AKAP6: variants seen among roughly 807,000 people sequenced by gnomAD.
AKAP6 encodes the protein A-kinase anchoring protein 6.
In AKAP6, 58 loss-of-function variants were observed where a neutral mutation model predicts 188.5. That is an observed-to-expected ratio of 0.31 (90% CI 0.25 to 0.38). The LOEUF (loss-of-function observed/expected upper bound fraction) is 0.38, where lower values mean the gene tolerates loss of function less well. AKAP6 is among the 10% of genes least tolerant of loss of function. The pLI is 1.00. For missense variants in AKAP6, 2,710 were observed against 2,740.0 expected (o/e 0.99, Z 0.24); for synonymous variants, 989 against 998.6 (o/e 0.99, Z 0.18).
intron 4 of AKAP6, among the ~76,000 whole-genome samples, chr14:32,553,971 G>A (rs1883590539): frequency 1.3e-5 from 2 of 152,168 alleles, no homozygotes; most frequent in Admixed American, 1.3e-4. Flanking sequence ...CATTTGTTCC[G>A]ATACATTCAA....
chr14:32,709,164 T>G (rs1890936726), intron 9 of AKAP6, among the ~76,000 whole-genome samples: 1 of 152,068 alleles, frequency 6.6e-6, no homozygotes, highest in South Asian at 2.1e-4. Context: ...ATGGAAACAC[T>G]GTCAGAAGCC....
chr14:32,591,667 A>G lies in AKAP6; in HGVS notation c.2470-7743A>G, dbSNP rs568217410. On this transcript the variant is annotated intron_variant, in intron 5 of 13. Transcript: ENST00000280979. The stretch of plus-strand genomic sequence containing the variant: ...TCTTCTCTTTTTTTTTTTTTTTTCA[A>G]AAGGAAAACAAAGGTTTTATAATGC... Among the ~76,000 whole-genome samples, 5 of 150,264 alleles carry G rather than the reference A, an allele frequency of 3.3e-5. No homozygotes were observed. In the East Asian group the frequency reaches 7.8e-4, roughly 23 times the overall value.
chr14:32,577,089 CT>C (rs552225725), intron 4 of AKAP6, 30 bp from the exon 5 acceptor site: 60 of 1,587,852 alleles, frequency 3.8e-5, no homozygotes, highest in East Asian at 1.4e-4. Context: ...TTTCTTGCCC[CT>C]TTTTTTCCCC....
chr14:32,620,897 T>C (rs1206156149), intron 7 of AKAP6, among the ~76,000 whole-genome samples: 1 of 151,910 alleles, frequency 6.6e-6, no homozygotes, highest in Non-Finnish European at 1.5e-5. Flanking sequence ...GCTAGGAGGG[T>C]CATAAGTTCC....
intron 7 of AKAP6, among the ~76,000 whole-genome samples, chr14:32,610,229 C>A (rs979026261): frequency 2.0e-5 from 3 of 152,118 alleles, no homozygotes; most frequent in African/African-American, 7.2e-5. Context: ...TTCTTAGACA[C>A]CCTCCATAAC....
chr14:32,474,745 T>C (rs1878968163), intron 2 of AKAP6, among the ~76,000 whole-genome samples: 1 of 152,270 alleles, frequency 6.6e-6, no homozygotes, highest in Admixed American at 6.5e-5. Context: ...GCATTTATTT[T>C]AGAAATTGTT....
intron 2 of AKAP6, among the ~76,000 whole-genome samples, chr14:32,521,940 A>T (rs948813634): frequency 6.6e-6 from 1 of 152,206 alleles, no homozygotes; most frequent in African/African-American, 2.4e-5. Context: ...TTCAAACTAT[A>T]CTACAAGGCT....
rs143615571 is a variant in AKAP6, at chr14:32,728,348, TTCTATCTATCTATCTA to T, written c.3001-4075_3001-4060del. On this transcript the variant is annotated intron_variant, in intron 9 of 13. Transcript: ENST00000280979. ...AGATATATTTTATTTTCTCAGTGTA[TTCTATCTATCTATCTA>T]TCTATCTATCTATCTATCTATCTAT... Among the ~76,000 whole-genome samples, 464 of 141,078 alleles carry T rather than the reference TTCTATCTATCTATCTA, an allele frequency of 3.3e-3. 1 individual carries two copies. Among genetic ancestry groups the T allele is most frequent in the Middle Eastern group, 0.011 (3 of 274 alleles). The allele number at this position is 141,078 out of a possible 152,430, so 92.6% of individuals were successfully genotyped here.
rs148685055 is a variant in AKAP6 at position 32,619,552 on chromosome 14, C to T, written c.2730+18760C>T. 9.7e-3 allele frequency among the ~76,000 whole-genome samples: 1,477 copies of T among 152,246 alleles called. 10 individuals carry two copies. The highest frequency in any genetic ancestry group is 0.037 in the Middle Eastern group (11 of 294). ...CTATGTATATACTTTTATACCAGTA[C>T]CATGCTATTTTGTTTACTATAGCCT... On this transcript the variant is annotated intron_variant, in intron 7 of 13. Coordinates refer to ENST00000280979, the MANE Select transcript of AKAP6 (RefSeq NM_004274.5).
chr14:32,599,937 C>A (rs190776352), intron 6 of AKAP6, among the ~76,000 whole-genome samples: 100 of 152,338 alleles, frequency 6.6e-4, no homozygotes, highest in African/African-American at 2.3e-3. Flanking sequence ...GCTTCACACA[C>A]AAGAACATTT....
At chr14:32,807,850 A>T (rs554505501) in intron 12 of AKAP6, among the ~76,000 whole-genome samples, 28 of 152,336 alleles carry the variant, frequency 1.8e-4, no homozygotes, top group Admixed American at 3.9e-4. Context: ...TTAACTATTA[A>T]ACTTTAGTGA....
chr14:32,422,714 T>C (rs1020184879), intron 1 of AKAP6, among the ~76,000 whole-genome samples: 22 of 152,224 alleles, frequency 1.4e-4, no homozygotes, highest in Middle Eastern at 3.4e-3. Flanking sequence ...AGCATACACT[T>C]ATCAGGTATA....
At chr14:32,600,314 T>C (rs1885873574) in intron 6 of AKAP6, among the ~76,000 whole-genome samples, 2 of 152,348 alleles carry the variant, frequency 1.3e-5, no homozygotes, top group South Asian at 2.1e-4. Context: ...ATTTGGAATG[T>C]GAAACTGTAA....
chr14:32,629,790 T>C (rs925892618), intron 7 of AKAP6, among the ~76,000 whole-genome samples: 3 of 151,908 alleles, frequency 2.0e-5, no homozygotes, highest in Middle Eastern at 6.8e-3. Flanking sequence ...ATGAGAATAC[T>C]CTGGCCGGGC....
In AKAP6 at chr14:32,568,523, G is replaced by A. The variant is rs967719713; in HGVS notation, c.2347-8597G>A. 2.6e-5 allele frequency among the ~76,000 whole-genome samples: 4 copies of A among 152,046 alleles called. No homozygotes were observed. The highest frequency in any genetic ancestry group is 4.8e-5 in the African/African-American group (2 of 41,372). ...CATAATCCTAAATTCTAAGTTATGA[G>A]TATCTCAGGTGCTCATTTGAGACTT... is the stretch of plus-strand genomic sequence containing the variant. On this transcript the variant is annotated intron_variant, in intron 4 of 13. Transcript: ENST00000280979. This position sits in a 1 kb window ranked among gnomAD's most constrained non-coding sequence, Gnocchi z 6.2.
In AKAP6 at chr14:32,824,188, C is replaced by T. The variant is rs267603981; in HGVS notation, c.6375C>T (p.Val2125=). The T allele has an allele frequency of 1.2e-6, 2 of 1,613,776 alleles. No homozygotes were observed. Among genetic ancestry groups the T allele is most frequent in the African/African-American group, 2.7e-5 (2 of 74,878 alleles). The change falls in exon 13 of 14, where the codon GTC becomes GTT. Residue 2125 remains valine, a synonymous_variant. Transcript: ENST00000280979. ...CTCATGACAGTGATTGTGGGGAGGT[C>T]ACCAATTACATAGAAGAGAAAAGCA... ...LSSHDSDCGE[V]TNYIEEKSST...
chr14:32,424,944 A>T (rs1889981016), intron 1 of AKAP6, among the ~76,000 whole-genome samples: 1 of 152,166 alleles, frequency 6.6e-6, no homozygotes, highest in Middle Eastern at 3.2e-3. Context: ...TGCTATTGTG[A>T]ATAGTGCTGC....
At chr14:32,673,046 C>T (rs913273465) in intron 7 of AKAP6, among the ~76,000 whole-genome samples, 22 of 152,162 alleles carry the variant, frequency 1.4e-4, no homozygotes, top group African/African-American at 5.3e-4. Context: ...TCCAAATGCC[C>T]CAAAGCTCCA....
chr14:32,430,271 A>G (rs1890171022), intron 1 of AKAP6, among the ~76,000 whole-genome samples: 1 of 152,198 alleles, frequency 6.6e-6, no homozygotes, highest in African/African-American at 2.4e-5. Flanking sequence ...TTGACTATCT[A>G]GTTCCGTTTT....
Sources: gnomAD v4.1 joint callset for allele counts (sites outside exome capture counted in the v4.1 genomes callset) on GRCh38, gnomAD v4.1.1 for gene constraint, Gnocchi (gnomAD v3.1) non-coding constraint, MANE v1.5 for transcripts, NCBI Gene and HGNC (gene_info 2026-07-23, HGNC 2026-07-21) for gene names.